CTNNA3: variants seen among roughly 807,000 people sequenced by gnomAD.
CTNNA3 encodes the protein catenin alpha 3, also known as catenin alpha-3.
Under a neutral mutation model 95.7 loss-of-function variants are expected in CTNNA3, and 76 were observed. The ratio of observed to expected loss-of-function variants is 0.79; its 90% CI spans 0.66 to 0.96. The LOEUF is 0.96. Among genes scored for constraint, CTNNA3 ranks in the 40% least tolerant of loss-of-function variants. The pLI, the probability that CTNNA3 is intolerant of heterozygous loss-of-function variation, is 0.00. For missense variants in CTNNA3, 1,191 were observed against 1,089.8 expected (o/e 1.09, Z -1.31); for synonymous variants, 431 against 374.4 (o/e 1.15, Z -1.74).
chr10:67,086,573 T>A (rs911469349), intron 7 of CTNNA3, among the ~76,000 whole-genome samples: 7 of 151,918 alleles, frequency 4.6e-5, no homozygotes, highest in African/African-American at 1.7e-4. Context: ...GTCAAAAACG[T>A]AGTCTGTTTT....
At chr10:66,900,789 T>A (rs571883686) in intron 7 of CTNNA3, among the ~76,000 whole-genome samples, 1 of 151,994 alleles carries the variant, frequency 6.6e-6, no homozygotes, top group East Asian at 1.9e-4. Flanking sequence ...TGATTGAAGA[T>A]CAAATTAATG....
At position 67,399,026 on chromosome 10, in the gene CTNNA3, T is replaced by TA. The variant is rs150771812; in HGVS notation, c.579+122815_579+122816insT. Among the ~76,000 whole-genome samples the TA allele has an allele frequency of 0.024, 3,721 of 152,132 alleles. 291 individuals are homozygous for TA. In the East Asian group the frequency reaches 0.29, roughly 12 times the overall value. ...GAGAACAGAACGAATACACTATTCA[T>TA]TAAGTGGAAGTGGATTATCATGAAG... On this transcript the variant is annotated intron_variant, in intron 5 of 17. Transcript: ENST00000433211.
At chr10:66,336,292 A>C (rs1021670486) in intron 12 of CTNNA3, among the ~76,000 whole-genome samples, 2 of 151,962 alleles carry the variant, frequency 1.3e-5, no homozygotes, top group African/African-American at 4.8e-5. Context: ...CTCAGTTGGA[A>C]ATGCAGAAAT....
chr10:67,489,623 G>A (rs1848578433), intron 5 of CTNNA3, among the ~76,000 whole-genome samples: 1 of 152,070 alleles, frequency 6.6e-6, no homozygotes, highest in Non-Finnish European at 1.5e-5. Flanking sequence ...TTTTAAAACT[G>A]CTTAGCTCTC....
At chr10:66,728,938 G>A (rs1238004602) in intron 9 of CTNNA3, among the ~76,000 whole-genome samples, 1 of 152,144 alleles carries the variant, frequency 6.6e-6, no homozygotes, top group African/African-American at 2.4e-5. Context: ...ATGGTATAAG[G>A]AAGGTGTCCA....
At chr10:66,055,411 G>C (rs888387647) in intron 15 of CTNNA3, among the ~76,000 whole-genome samples, 1 of 152,028 alleles carries the variant, frequency 6.6e-6, no homozygotes, top group African/African-American at 2.4e-5. Context: ...ATGTTTTACA[G>C]TTTTATTGTA....
At chr10:66,138,372 T>C (rs1270849627) in intron 13 of CTNNA3, among the ~76,000 whole-genome samples, 1 of 152,202 alleles carries the variant, frequency 6.6e-6, no homozygotes, top group East Asian at 1.9e-4. Context: ...CTGACTATCT[T>C]TGGGCAATGA....
intron 5 of CTNNA3, among the ~76,000 whole-genome samples, chr10:67,311,721 G>C (rs570581203): frequency 5.9e-5 from 9 of 152,176 alleles, no homozygotes; most frequent in African/African-American, 1.7e-4. Context: ...CACCAAAAAG[G>C]CTGCTAAAAA....
chr10:67,251,705 G>A (rs376172781), intron 5 of CTNNA3, among the ~76,000 whole-genome samples: 5 of 152,122 alleles, frequency 3.3e-5, no homozygotes, highest in Admixed American at 1.3e-4. Flanking sequence ...GCCAGGTCAC[G>A]TTTGTCAACA....
chr10:67,440,475 C>G (rs1031199052), intron 5 of CTNNA3, among the ~76,000 whole-genome samples: 2 of 152,030 alleles, frequency 1.3e-5, no homozygotes, highest in Non-Finnish European at 2.9e-5. Flanking sequence ...GATTGTAGAA[C>G]CCTAGAATGA....
At chr10:67,200,547 G>A (rs1863600152) in intron 6 of CTNNA3, among the ~76,000 whole-genome samples, 1 of 152,140 alleles carries the variant, frequency 6.6e-6, no homozygotes, top group Non-Finnish European at 1.5e-5. Context: ...CCTGAATGAG[G>A]TAAAGTGATC....
At chr10:66,344,240 A>AAT (rs1227735948) in intron 12 of CTNNA3, among the ~76,000 whole-genome samples, 1 of 148,942 alleles carries the variant, frequency 6.7e-6, no homozygotes, top group Non-Finnish European at 1.5e-5. Flanking sequence ...AAAAAAAAAA[A>AAT]TTGACTGCAA....
At chr10:65,934,792 T>G (rs2077309810) in intron 17 of CTNNA3, among the ~76,000 whole-genome samples, 1 of 152,044 alleles carries the variant, frequency 6.6e-6, no homozygotes, top group South Asian at 2.1e-4. Flanking sequence ...CTTTAATAAG[T>G]AAAAGATCTT....
intron 13 of CTNNA3, among the ~76,000 whole-genome samples, chr10:66,113,309 G>T (rs1219038536): frequency 1.3e-5 from 2 of 152,196 alleles, no homozygotes; most frequent in East Asian, 3.9e-4. Flanking sequence ...GGACCTGCAA[G>T]ATGTTCCTAA....
chr10:66,241,561 G>A (rs1046087252), intron 13 of CTNNA3, among the ~76,000 whole-genome samples: 1 of 152,018 alleles, frequency 6.6e-6, no homozygotes, highest in East Asian at 1.9e-4. Context: ...ATAATCAAAA[G>A]CCATTAGATT....
At chr10:66,263,383 T>G (rs1470342481) in intron 13 of CTNNA3, among the ~76,000 whole-genome samples, 1 of 151,992 alleles carries the variant, frequency 6.6e-6, no homozygotes, top group Admixed American at 6.6e-5. Context: ...TGAGACACAC[T>G]AAGAGTCATT....
chr10:67,230,891 C>T (rs1865164662), intron 5 of CTNNA3, among the ~76,000 whole-genome samples: 1 of 152,166 alleles, frequency 6.6e-6, no homozygotes, highest in African/African-American at 2.4e-5. Context: ...AGTTCCCTTT[C>T]CTAGTCAAAG....
intron 7 of CTNNA3, among the ~76,000 whole-genome samples, chr10:67,080,002 G>A (rs1463737624): frequency 2.0e-5 from 3 of 152,050 alleles, no homozygotes; most frequent in Non-Finnish European, 4.4e-5. Flanking sequence ...GGTTGTACAA[G>A]GTTTTGGTTT....
intron 5 of CTNNA3, among the ~76,000 whole-genome samples, chr10:67,247,877 A>C (rs543012485): frequency 6.6e-6 from 1 of 152,308 alleles, no homozygotes; most frequent in African/African-American, 2.4e-5. Context: ...CAGTTTCAAA[A>C]CCTACTACAA....
Sources: gnomAD v4.1 joint callset for allele counts (sites outside exome capture counted in the v4.1 genomes callset) on GRCh38, gnomAD v4.1.1 for gene constraint, MANE v1.5 for transcripts, NCBI Gene and HGNC (gene_info 2026-07-23, HGNC 2026-07-21) for gene names.